Variants in ARHGAP39 observed in about 807,000 individuals in gnomAD.
The protein encoded by ARHGAP39 is rho GTPase-activating protein 39.
ARHGAP39 carries 44 observed loss-of-function variants against 106.9 expected under a neutral mutation model. The observed-to-expected ratio is 0.41, with a 90% CI of 0.32 to 0.53. The LOEUF (loss-of-function observed/expected upper bound fraction) is 0.53, where lower values mean the gene tolerates loss of function less well. Ranked by LOEUF, ARHGAP39 falls within the 20% of genes least tolerant of loss-of-function variation. ARHGAP39 has a pLI of 0.21. For synonymous variants in ARHGAP39, 768 were observed against 693.2 expected, an observed-to-expected ratio of 1.11 and a Z score of -1.69; for missense variants, 1,496 against 1,577.3, an observed-to-expected ratio of 0.95 and a Z score of 0.87.
chr8:144,547,895 C>T lies in ARHGAP39; in HGVS notation c.1191G>A (p.Gln397=), dbSNP rs1408550088. 1.3e-6 allele frequency: 2 copies of T among 1,583,560 alleles called. No individual in the cohort carries two copies. Among genetic ancestry groups the T allele is most frequent in the South Asian group, 2.3e-5 (2 of 87,854 alleles). ...YSPAGKEYVR[Q]LVYVEQAGSS... ...AGCCCGCCTGCTCCACGTAGACCAG[C>T]TGCCGCACGTACTCCTTGCCGGCGG... The change falls in exon 5 of 12, where the codon CAG becomes CAA. Residue 397 remains glutamine, a synonymous_variant. Transcript: ENST00000377307. This position sits in a 1 kb window ranked among gnomAD's most constrained non-coding sequence, Gnocchi z 5.2.
intron 1 of ARHGAP39, among the ~76,000 whole-genome samples, chr8:144,682,489 C>T (rs1397322391): frequency 1.4e-5 from 2 of 145,096 alleles, no homozygotes; most frequent in African/African-American, 2.6e-5. Context: ...GCGGAGCTTG[C>T]AGTGAGCCGA....
chr8:144,543,033 G>C (rs764362978), intron 6 of ARHGAP39, among the ~76,000 whole-genome samples: 1 of 151,650 alleles, frequency 6.6e-6, no homozygotes, highest in Non-Finnish European at 1.5e-5. Flanking sequence ...GCAGTGGTAC[G>C]ATCATGACTC....
intron 1 of ARHGAP39, among the ~76,000 whole-genome samples, chr8:144,672,727 C>T (rs1033648716): frequency 6.6e-6 from 1 of 152,280 alleles, no homozygotes; most frequent in African/African-American, 2.4e-5. Flanking sequence ...TTTACAGAAC[C>T]CACTGAGACT....
At chr8:144,638,072 T>C (rs1413280010) in intron 1 of ARHGAP39, among the ~76,000 whole-genome samples, 9 of 152,314 alleles carry the variant, frequency 5.9e-5, no homozygotes, top group Non-Finnish European at 7.4e-5. Flanking sequence ...GGTCTGTTGG[T>C]AGTAAACTCT....
chr8:144,699,839 A>C, the ARHGAP39 span, among the ~76,000 whole-genome samples: 1 of 152,134 alleles, frequency 6.6e-6, no homozygotes, highest in East Asian at 1.9e-4. Context: ...CCTCCGGGCT[A>C]GAACCTGTCG....
At chr8:144,546,490 G>A (rs1454290428) in intron 5 of ARHGAP39, among the ~76,000 whole-genome samples, 6 of 152,066 alleles carry the variant, frequency 3.9e-5, no homozygotes, top group African/African-American at 7.3e-5. Context: ...CCACCCTCCC[G>A]GGTCCTCAGA....
chr8:144,602,960 G>GGCGT (rs1586604540), intron 2 of ARHGAP39, among the ~76,000 whole-genome samples: 1 of 137,058 alleles, frequency 7.3e-6, no homozygotes, highest in Non-Finnish European at 1.5e-5. Flanking sequence ...TGTGCATGGA[G>GGCGT]GCGTGCGTGC....
the ARHGAP39 span, among the ~76,000 whole-genome samples, chr8:144,697,353 G>A: frequency 1.3e-5 from 2 of 149,168 alleles, no homozygotes; most frequent in South Asian, 2.1e-4. Context: ...TTAGCATATC[G>A]TTCTATAAAT....
In ARHGAP39 at chr8:144,548,035, G is replaced by A. The variant is rs983939074; in HGVS notation, c.1051C>T (p.Arg351Cys). The change falls in exon 5 of 12, where the codon CGT becomes TGT. Residue 351 changes from arginine to cysteine, a missense_variant. Arg to Cys is a radical substitution (Grantham distance 180). Around this residue, in one of 4 missense-constraint regions of ARHGAP39, gnomAD observed 905 missense variants for 816.4 expected, o/e 1.11. Coordinates refer to ENST00000377307, the MANE Select transcript of ARHGAP39 (RefSeq NM_025251.3). This position sits in a 1 kb window ranked among gnomAD's most constrained non-coding sequence, Gnocchi z 7.4. ...QAGSPQRSPG[R>C]KPRPFLQPNK... Reference sequence around the variant, plus strand: ...GGCTGGAGGAACGGCCGGGGCTTACGGCCCGGCGACCGCTGGGGAGAGCCG... The same window carrying A: ...GGCTGGAGGAACGGCCGGGGCTTACAGCCCGGCGACCGCTGGGGAGAGCCG... 1.9e-6 allele frequency: 3 copies of A among 1,605,428 alleles called. No homozygotes were observed. The highest frequency in any genetic ancestry group is 2.5e-6 in the Non-Finnish European group (3 of 1,177,174).
chr8:144,575,032 G>A (rs953867923), intron 3 of ARHGAP39, among the ~76,000 whole-genome samples: 3 of 152,176 alleles, frequency 2.0e-5, no homozygotes, highest in African/African-American at 7.2e-5. Context: ...TTACTGTGCC[G>A]AATGCTAAAT....
At position 144,547,355 on chromosome 8, in the gene ARHGAP39, G is replaced by A; in HGVS notation, c.1731C>T (p.Asp577=). The A allele has an allele frequency of 1.2e-6, 2 of 1,603,152 alleles. No individual in the cohort carries two copies. The highest frequency in any genetic ancestry group is 8.5e-7 in the Non-Finnish European group (1 of 1,178,104). ...HFHMKQRSSW[D]SQQDGSGYES... ...CGTAGCCAGAGCCGTCCTGCTGGGA[G>A]TCCCAGCTGCTCCTCTGCTTCATGT... The change falls in exon 5 of 12, where the codon GAC becomes GAT. Residue 577 remains aspartate (D), a synonymous_variant. Coordinates refer to ENST00000377307, the MANE Select transcript of ARHGAP39 (RefSeq NM_025251.3). This position sits in a 1 kb window ranked among gnomAD's most constrained non-coding sequence, Gnocchi z 5.2.
At chr8:144,600,789 G>A (rs911582946) in intron 2 of ARHGAP39, among the ~76,000 whole-genome samples, 38 of 151,918 alleles carry the variant, frequency 2.5e-4, no homozygotes, top group African/African-American at 7.5e-4. Flanking sequence ...AGGCATGCGC[G>A]TGAGCTCATC....
chr8:144,695,514 A>G, the ARHGAP39 span, among the ~76,000 whole-genome samples: 5 of 152,006 alleles, frequency 3.3e-5, no homozygotes, highest in Non-Finnish European at 4.4e-5. Context: ...CACTGCATGT[A>G]CTGTTGTACT....
intron 2 of ARHGAP39, among the ~76,000 whole-genome samples, chr8:144,596,349 G>C (rs552841569): frequency 2.7e-5 from 4 of 146,394 alleles, no homozygotes; most frequent in Non-Finnish European, 6.0e-5. Context: ...CCCCGGCGCT[G>C]TCCACCACCC....
chr8:144,544,125 A>C (rs1817305884), intron 6 of ARHGAP39, among the ~76,000 whole-genome samples: 1 of 152,114 alleles, frequency 6.6e-6, no homozygotes, highest in Non-Finnish European at 1.5e-5. Flanking sequence ...GCACACCTGG[A>C]GCCCCGGCCA....
At chr8:144,656,236 T>C (rs1821692333) in intron 1 of ARHGAP39, among the ~76,000 whole-genome samples, 1 of 149,240 alleles carries the variant, frequency 6.7e-6, no homozygotes, top group South Asian at 2.1e-4. Context: ...CTCATGCCTG[T>C]AATCCCAATA....
the ARHGAP39 span, among the ~76,000 whole-genome samples, chr8:144,695,176 G>T: frequency 7.0e-6 from 1 of 143,398 alleles, no homozygotes; most frequent in African/African-American, 2.6e-5. Flanking sequence ...CCGAGTTCAC[G>T]CCATTCTCCT....
intron 4 of ARHGAP39, among the ~76,000 whole-genome samples, chr8:144,553,908 A>G (rs1289407159): frequency 1.3e-5 from 2 of 152,248 alleles, no homozygotes; most frequent in Admixed American, 6.5e-5. Flanking sequence ...AGGGAGCCCA[A>G]TGCCCCACAC....
intron 1 of ARHGAP39, among the ~76,000 whole-genome samples, chr8:144,626,761 C>T (rs943062988): frequency 2.6e-5 from 4 of 152,246 alleles, no homozygotes; most frequent in Middle Eastern, 3.2e-3. Flanking sequence ...GGGACACGCC[C>T]GCGGCTCTGC....
Sources: allele counts gnomAD v4.1 joint callset (sites outside exome capture counted in the v4.1 genomes callset), GRCh38; gene constraint gnomAD v4.1.1; regional missense constraint gnomAD v4.1.1; non-coding constraint Gnocchi (gnomAD v3.1); transcripts MANE v1.5; gene names NCBI Gene and HGNC (gene_info 2026-07-23, HGNC 2026-07-21).